GSTZ1: variants seen among roughly 807,000 people sequenced by gnomAD.
GSTZ1 encodes maleylacetoacetate isomerase.
GSTZ1 carries 34 observed loss-of-function variants against 35.9 expected under a neutral mutation model. The observed-to-expected ratio is 0.95, with a 90% CI of 0.72 to 1.26. The LOEUF is 1.26. Among genes scored for constraint, GSTZ1 ranks in the 50% most tolerant of loss-of-function variants. GSTZ1 has a pLI of 0.00. For missense variants in GSTZ1, 263 were observed against 271.7 expected, an observed-to-expected ratio of 0.97 and a Z score of 0.23; for synonymous variants, 93 against 101.2, an observed-to-expected ratio of 0.92 and a Z score of 0.49.
intron 1 of GSTZ1, chr14:77,321,405 C>G (rs1366653485): frequency 1.3e-6 from 2 of 1,528,288 alleles, no homozygotes; most frequent in Non-Finnish European, 1.8e-6. Context: ...GTAGGGAGTG[C>G]GTAGCAGGGT....
chr14:77,325,016 C>T, intron 2 of GSTZ1, 95 bp downstream of exon 2: 5 of 1,070,152 alleles, frequency 4.7e-6, no homozygotes, highest in Non-Finnish European at 7.3e-6. Context: ...GGAAGGGTTG[C>T]TCTGTCAGAG....
intron 5 of GSTZ1, chr14:77,328,333 A>T: frequency 2.3e-6 from 1 of 427,206 alleles, no homozygotes; most frequent in Non-Finnish European, 4.3e-6. Flanking sequence ...GCCCCAGTCC[A>T]GGCCTCCTGC....
At chr14:77,324,396 C>A in intron 1 of GSTZ1, 1 of 604,098 alleles carries the variant, frequency 1.7e-6, no homozygotes, top group Non-Finnish European at 3.0e-6. Flanking sequence ...ATCCACCCAC[C>A]TTGGCTCCCG....
intron 1 of GSTZ1, chr14:77,322,647 G>A (rs552654426): frequency 1.4e-5 from 14 of 985,180 alleles, no homozygotes; most frequent in African/African-American, 1.2e-4. Context: ...TCCAGTTGTG[G>A]CCACCCAATT....
chr14:77,326,397 C>T (rs1191181308), intron 2 of GSTZ1: 1 of 160,688 alleles, frequency 6.2e-6, no homozygotes, highest in African/African-American at 2.4e-5. Flanking sequence ...ACCTGAGCTC[C>T]TTCCCTTGGC....
Position 77,330,448 on chromosome 14 carries a change from G to T in GSTZ1, c.524+89G>T. 3.7e-6 allele frequency: 4 copies of T among 1,087,530 alleles called. No individual in the cohort carries two copies. The South Asian group carries it at 3.7e-5, about 10-fold the overall frequency. 67.4% of individuals were successfully genotyped at this position (1,087,530 alleles called of 1,614,324 possible). On this transcript the variant is annotated intron_variant, in intron 8 of 8. Coordinates refer to ENST00000216465, the MANE Select transcript of GSTZ1 (RefSeq NM_145870.3). ...TGGCGAGATAGCATCTCATGCAGAC[G>T]CTTCGCCAACCAGCCAAGGAGCCCA...
intron 2 of GSTZ1, chr14:77,325,748 C>G (rs1024143914): frequency 4.6e-5 from 7 of 152,198 alleles, no homozygotes; most frequent in African/African-American, 9.7e-5. Flanking sequence ...TCCGTGACCC[C>G]TCCTCCATCC....
chr14:77,321,440 A>G (rs767356296), intron 1 of GSTZ1: 19 of 1,522,486 alleles, frequency 1.2e-5, no homozygotes, highest in Non-Finnish European at 1.5e-5. Context: ...GTCGCGCTTC[A>G]CTTCTGCTCC....
rs977554352 is a variant in GSTZ1, at chr14:77,327,261, G to A, written c.136-211G>A. 5.0e-6 allele frequency: 3 copies of A among 605,788 alleles called. No individual in the cohort carries two copies. In the African/African-American group the frequency reaches 5.6e-5, roughly 11 times the overall value. The allele number at this position is 605,788 out of a possible 1,614,324, so 37.5% of individuals were successfully genotyped here. The stretch of plus-strand genomic sequence containing the variant: ...GAGATGCAGGGAAAGCCCATAGCCA[G>A]GCTGTTAGGATGAAGCCTATGGCTC... On this transcript the variant is annotated intron_variant, in intron 3 of 8. Transcript: ENST00000216465.
At position 77,327,598 on chromosome 14, in the gene GSTZ1, G is replaced by C. The variant is rs530105639; in HGVS notation, c.216+46G>C. 16 of 1,233,200 alleles carry C rather than the reference G, an allele frequency of 1.3e-5. No homozygotes were observed. In the South Asian group the frequency reaches 1.8e-4, roughly 14 times the overall value. 76.4% of individuals were successfully genotyped at this position (1,233,200 alleles called of 1,614,324 possible). On this transcript the variant is annotated intron_variant, in intron 4 of 8. Transcript: ENST00000216465. The stretch of plus-strand genomic sequence containing the variant: ...AGGGCCCTCATGAGAGCAGTGCCCT[G>C]AATGAGAGCGCCTGACATCTCTTCC...
chr14:77,324,367 A>G (rs988447638), intron 1 of GSTZ1: 2 of 560,442 alleles, frequency 3.6e-6, no homozygotes, highest in Non-Finnish European at 3.2e-6. Context: ...GGCTGGTCTC[A>G]AACTCCTCAC....
intron 6 of GSTZ1, 108 bp from the exon 7 acceptor site, chr14:77,329,647 C>G (rs958099602): frequency 3.6e-6 from 3 of 829,346 alleles, no homozygotes; most frequent in African/African-American, 3.3e-5. Flanking sequence ...CATGCCCAGT[C>G]TGTCACTCAG....
chr14:77,327,776 T>C (rs964490185), intron 4 of GSTZ1, 136 bp from the exon 5 acceptor site: 4 of 881,314 alleles, frequency 4.5e-6, no homozygotes, highest in Non-Finnish European at 7.2e-6. Flanking sequence ...CTTATAGGGC[T>C]TGAGCTGAGC....
intron 5 of GSTZ1, chr14:77,328,352 A>G (rs1892446793): frequency 2.7e-6 from 1 of 373,748 alleles, no homozygotes; most frequent in East Asian, 5.5e-5. Context: ...GCCTTTAACC[A>G]GAGCAGCTTC....
intron 1 of GSTZ1, chr14:77,321,460 G>T: frequency 6.6e-7 from 1 of 1,511,704 alleles, no homozygotes; most frequent in Non-Finnish European, 8.8e-7. Context: ...CGCCCTCCCT[G>T]CTCCCCATAA....
intron 1 of GSTZ1, chr14:77,322,525 A>G: frequency 3.3e-6 from 3 of 913,884 alleles, no homozygotes; most frequent in Non-Finnish European, 3.9e-6. Flanking sequence ...TTCTAAGCTA[A>G]TTAATGTCTG....
intron 1 of GSTZ1, among the ~76,000 whole-genome samples, chr14:77,322,258 A>T (rs1892054740): frequency 6.6e-6 from 1 of 152,230 alleles, no homozygotes; most frequent in South Asian, 2.1e-4. Context: ...TTGGAAACAC[A>T]GGTCTTCTAG....
At chr14:77,321,739 C>T (rs1334311471) in intron 1 of GSTZ1, among the ~76,000 whole-genome samples, 1 of 152,252 alleles carries the variant, frequency 6.6e-6, no homozygotes, top group Admixed American at 6.5e-5. Flanking sequence ...AAAAATTAGC[C>T]AGGCGTGGTA....
Position 77,321,065 on chromosome 14 carries a change from A to T in GSTZ1, c.-104A>T, listed in dbSNP as rs937308979. ...TCCAGCCCCTCGCTTTACCCGGACG[A>T]AAGACACGGGCCTGATTCGTCGAGT... On this transcript the variant is annotated 5_prime_UTR_variant, in exon 1 of 9. Coordinates refer to ENST00000216465, the MANE Select transcript of GSTZ1 (RefSeq NM_145870.3). 4.8e-6 allele frequency: 6 copies of T among 1,237,490 alleles called. 1 individual carries two copies. The highest frequency in any genetic ancestry group is 6.6e-6 in the Non-Finnish European group (6 of 914,832). 76.7% of individuals were successfully genotyped at this position (1,237,490 alleles called of 1,614,324 possible). A position where few individuals can be genotyped will look rare whatever the true frequency, so the allele number is the denominator to read the frequency against.
Sources: gnomAD v4.1 joint callset for allele counts (sites outside exome capture counted in the v4.1 genomes callset) on GRCh38, gnomAD v4.1.1 for gene constraint, MANE v1.5 for transcripts, NCBI Gene and HGNC (gene_info 2026-07-23, HGNC 2026-07-21) for gene names.